ARHGEF37: variants seen among roughly 807,000 people sequenced by gnomAD.
ARHGEF37 encodes Rho guanine nucleotide exchange factor (GEF) 37.
ARHGEF37 carries 55 observed loss-of-function variants against 71.1 expected under a neutral mutation model. The ratio of observed to expected loss-of-function variants is 0.77; its 90% confidence interval spans 0.62 to 0.97. The LOEUF (loss-of-function observed/expected upper bound fraction) is 0.97, where lower values mean the gene tolerates loss of function less well. Among genes scored for constraint, ARHGEF37 ranks in the 50% least tolerant of loss-of-function variants. The pLI is 0.00. For missense variants in ARHGEF37, 765 were observed against 836.8 expected (o/e 0.91, Z 1.06); for synonymous variants, 327 against 350.6 (o/e 0.93, Z 0.75).
At chr5:149,560,005 G>C (rs1054823850) in intron 1 of ARHGEF37, among the ~76,000 whole-genome samples, 1 of 152,186 alleles carries the variant, frequency 6.6e-6, no homozygotes, top group African/African-American at 2.4e-5. Context: ...CAAGCAGCAG[G>C]GGGTGGGGTA....
At chr5:149,589,649 G>A (rs1763341775) in intron 1 of ARHGEF37, among the ~76,000 whole-genome samples, 3 of 151,910 alleles carry the variant, frequency 2.0e-5, no homozygotes, top group Non-Finnish European at 2.9e-5. Context: ...ACAGGTACCC[G>A]CCATCACGCC....
In ARHGEF37 at chr5:149,634,836, C is replaced by G. The variant is rs1021546827; in HGVS notation, c.*2645C>G. ...AACTCTTAAACCCCTCAGGCCCCAA[C>G]TCAGTTGTGGAGATGAGGACAAGAT... On this transcript the variant is annotated 3_prime_UTR_variant, in exon 13 of 13. Coordinates refer to ENST00000333677, the MANE Select transcript of ARHGEF37 (RefSeq NM_001001669.3). 6.6e-6 allele frequency: 1 copy of G among 152,578 alleles called. No homozygotes were observed. Among genetic ancestry groups the G allele is most frequent in the African/African-American group, 2.4e-5 (1 of 41,424 alleles). 9.5% of individuals were successfully genotyped at this position (152,578 alleles called of 1,614,324 possible). A position where few individuals can be genotyped will look rare whatever the true frequency, so the allele number is the denominator to read the frequency against.
intron 1 of ARHGEF37, among the ~76,000 whole-genome samples, chr5:149,552,737 CTG>C (rs146434176): frequency 0.024 from 3,642 of 152,106 alleles, 72 homozygotes; most frequent in East Asian, 0.09. Context: ...ATTCGGGAGT[CTG>C]AGAATCGCTT....
chr5:149,584,277 G>A (rs1166006972), intron 1 of ARHGEF37, among the ~76,000 whole-genome samples: 1 of 152,122 alleles, frequency 6.6e-6, no homozygotes, highest in Non-Finnish European at 1.5e-5. Context: ...ATATGGCTAA[G>A]GACAAACAGC....
intron 1 of ARHGEF37, among the ~76,000 whole-genome samples, chr5:149,584,196 TA>T (rs916864051): frequency 6.6e-6 from 1 of 151,806 alleles, no homozygotes; most frequent in South Asian, 2.1e-4. Context: ...ATAACTGCTT[TA>T]AAAAAAAACT....
At chr5:149,621,605 C>A in intron 8 of ARHGEF37, 128 bp from the exon 9 acceptor site, 1 of 855,794 alleles carries the variant, frequency 1.2e-6, no homozygotes, top group South Asian at 1.7e-5. Context: ...AGATAACATG[C>A]TAAAGGTCCC....
intron 9 of ARHGEF37, among the ~76,000 whole-genome samples, chr5:149,622,851 T>A (rs1041673496): frequency 6.6e-6 from 1 of 152,232 alleles, no homozygotes; most frequent in Non-Finnish European, 1.5e-5. Flanking sequence ...GATGTCAACA[T>A]GAGAGCTGAA....
At chr5:149,614,089 G>A (rs776232332) in intron 4 of ARHGEF37, among the ~76,000 whole-genome samples, 12 of 151,340 alleles carry the variant, frequency 7.9e-5, no homozygotes, top group Non-Finnish European at 1.3e-4. Context: ...TGGCTGCAGA[G>A]TTTCTTTCCT....
At chr5:149,557,474 GTTTGTTTA>G (rs1483940382) in intron 1 of ARHGEF37, among the ~76,000 whole-genome samples, 2 of 145,822 alleles carry the variant, frequency 1.4e-5, no homozygotes, top group African/African-American at 5.6e-5. Context: ...TTGTTTGTTT[GTTTGTTTA>G]TTTATTTATT....
At position 149,621,993 on chromosome 5, in the gene ARHGEF37, C is replaced by T. The variant is rs776076103; in HGVS notation, c.1266C>T (p.Cys422=). The change falls in exon 9 of 13, where the codon TGC becomes TGT. Residue 422 remains cysteine, a synonymous_variant. Transcript: ENST00000333677. ...TGCAGTGGCTGGGCCAGATCATGTGCACATTCGTGACCCTCCAGAGGGACC... is the reference window on the plus strand; with the variant it reads ...TGCAGTGGCTGGGCCAGATCATGTGTACATTCGTGACCCTCCAGAGGGACC... ...LVMQWLGQIM[C]TFVTLQRDLA... The T allele has an allele frequency of 3.2e-5, 51 of 1,614,056 alleles. No individual in the cohort carries two copies. Among genetic ancestry groups the T allele is most frequent in the Non-Finnish European group, 4.3e-5 (51 of 1,180,032 alleles).
chr5:149,619,174 C>T, intron 7 of ARHGEF37, 132 bp downstream of exon 7: 2 of 730,076 alleles, frequency 2.7e-6, no homozygotes, highest in Non-Finnish European at 4.9e-6. Flanking sequence ...CATCCTGTCT[C>T]ATCTCTTCTG....
intron 1 of ARHGEF37, among the ~76,000 whole-genome samples, chr5:149,592,619 G>A (rs1170202330): frequency 6.6e-6 from 1 of 152,160 alleles, no homozygotes; most frequent in Non-Finnish European, 1.5e-5. Flanking sequence ...ACAGGTTTTT[G>A]TACATAAGTT....
At chr5:149,575,707 G>A (rs1763020078) in intron 1 of ARHGEF37, among the ~76,000 whole-genome samples, 1 of 139,542 alleles carries the variant, frequency 7.2e-6, no homozygotes, top group Non-Finnish European at 1.5e-5. Flanking sequence ...TTGGAGACAG[G>A]GTCTCACTCT....
chr5:149,621,586 A>T (rs760983020), intron 8 of ARHGEF37, 147 bp from the exon 9 acceptor site: 5 of 721,032 alleles, frequency 6.9e-6, no homozygotes, highest in African/African-American at 1.8e-5. Flanking sequence ...ATTGAGGCCC[A>T]GAGAAGTTAG....
intron 1 of ARHGEF37, among the ~76,000 whole-genome samples, chr5:149,568,524 C>G (rs989111410): frequency 6.6e-6 from 1 of 152,040 alleles, no homozygotes; most frequent in Non-Finnish European, 1.5e-5. Context: ...GTATCCCACA[C>G]CCCTATCAAG....
chr5:149,592,487 C>A (rs1170597862), intron 1 of ARHGEF37, among the ~76,000 whole-genome samples: 1 of 152,174 alleles, frequency 6.6e-6, no homozygotes, highest in Non-Finnish European at 1.5e-5. Flanking sequence ...CGTTCCTTTT[C>A]ATTTCTGAGT....
upstream of ARHGEF37, among the ~76,000 whole-genome samples, chr5:149,578,754 C>A (rs1205809289): frequency 2.0e-5 from 3 of 152,140 alleles, no homozygotes; most frequent in African/African-American, 7.2e-5. Context: ...ATGTCCATTT[C>A]TTTGTAAATG....
At chr5:149,629,041 C>A in intron 12 of ARHGEF37, 75 bp downstream of exon 12, 1 of 1,504,492 alleles carries the variant, frequency 6.6e-7, no homozygotes, top group South Asian at 1.3e-5. Flanking sequence ...CCTTCTCTCT[C>A]AAAGTCTATG....
rs199998590 is a variant in ARHGEF37 at position 149,620,406 on chromosome 5, C to G, written c.947C>G (p.Pro316Arg). 1 of 1,612,882 alleles carries G rather than the reference C, an allele frequency of 6.2e-7. No homozygotes were observed. Among genetic ancestry groups the G allele is most frequent in the Non-Finnish European group, 8.5e-7 (1 of 1,179,492 alleles). The change falls in exon 8 of 13, where the codon CCT becomes CGT. Residue 316 changes from proline to arginine, a missense_variant. Coordinates refer to ENST00000333677, the MANE Select transcript of ARHGEF37 (RefSeq NM_001001669.3). The part of the protein sequence containing the change: ...HEYNLDIPEG[P>R]AVQYCNLARD... ...TACAATCTGGACATCCCCGAGGGGCCTGCAGTGCAGTATTGCAATTTGGCA... is the reference window on the plus strand; with the variant it reads ...TACAATCTGGACATCCCCGAGGGGCGTGCAGTGCAGTATTGCAATTTGGCA...
Sources: gnomAD v4.1 joint callset for allele counts (sites outside exome capture counted in the v4.1 genomes callset) on GRCh38, gnomAD v4.1.1 for gene constraint, MANE v1.5 for transcripts, NCBI Gene and HGNC (gene_info 2026-07-23, HGNC 2026-07-21) for gene names.